The following RAB4A variants were observed in gnomAD, a reference collection of about 807,000 sequenced individuals.
RAB4A encodes the protein ras-related protein Rab-4A.
RAB4A carries 20 observed loss-of-function variants against 34.5 expected under a neutral mutation model. The observed-to-expected ratio is 0.58, with a 90% CI of 0.41 to 0.84. The LOEUF is 0.84. RAB4A is among the 40% of genes least tolerant of loss of function. The pLI is 0.00. For missense variants in RAB4A, 228 were observed against 274.5 expected, an observed-to-expected ratio of 0.83 and a Z score of 1.20; for synonymous variants, 102 against 100.0, an observed-to-expected ratio of 1.02 and a Z score of -0.12.
At chr1:229,273,592 T>A (rs1386910407) in intron 1 of RAB4A, among the ~76,000 whole-genome samples, 1 of 152,026 alleles carries the variant, frequency 6.6e-6, no homozygotes, top group African/African-American at 2.4e-5. Flanking sequence ...ATACAAAAAA[T>A]TACCTGGGCA....
chr1:229,302,282 TATATA>T (rs1657413200), intron 6 of RAB4A, among the ~76,000 whole-genome samples: 2 of 19,370 alleles, frequency 1.0e-4, no homozygotes, highest in South Asian at 1.3e-3. Context: ...TATATATATA[TATATA>T]TATATATATA....
chr1:229,285,941 C>T (rs1455570630), intron 1 of RAB4A, among the ~76,000 whole-genome samples: 1 of 152,194 alleles, frequency 6.6e-6, no homozygotes, highest in Non-Finnish European at 1.5e-5. Context: ...AAATTTCGCA[C>T]TTGAAGTGCT....
At position 229,305,267 on chromosome 1, in the gene RAB4A, T is replaced by A; in HGVS notation, c.*1474T>A. 1.3e-6 allele frequency: 2 copies of A among 1,597,708 alleles called. No individual in the cohort carries two copies. The highest frequency in any genetic ancestry group is 8.5e-7 in the Non-Finnish European group (1 of 1,175,098). On this transcript the variant is annotated 3_prime_UTR_variant, in exon 8 of 8. Transcript: ENST00000366690. Reference sequence around the variant, plus strand: ...GACTGAACTACTTCTTAGACCTCACTGTAAGAATATTTTATTCAATGTCTC... The same window carrying A: ...GACTGAACTACTTCTTAGACCTCACAGTAAGAATATTTTATTCAATGTCTC...
At position 229,291,259 on chromosome 1, in the gene RAB4A, C is replaced by G. The variant is rs1231588022; in HGVS notation, c.227+2416C>G. ...AGAAAGAGGAGGAAGCCAAGATTAT[C>G]TTTCTCAGAGACTTCTTAGAAATGT... On this transcript the variant is annotated intron_variant, in intron 3 of 7. Coordinates refer to ENST00000366690, the MANE Select transcript of RAB4A (RefSeq NM_004578.4). Among the ~76,000 whole-genome samples, 4 of 152,218 alleles carry G rather than the reference C, an allele frequency of 2.6e-5. 1 individual carries two copies. The highest frequency in any genetic ancestry group is 9.7e-5 in the African/African-American group (4 of 41,450).
intron 1 of RAB4A, among the ~76,000 whole-genome samples, chr1:229,286,207 A>T (rs1035137310): frequency 2.0e-5 from 3 of 152,252 alleles, no homozygotes; most frequent in Admixed American, 2.0e-4. Flanking sequence ...TAGCAAAGGG[A>T]CAAGTTTTAT....
At chr1:229,285,238 G>A (rs1656892058) in intron 1 of RAB4A, among the ~76,000 whole-genome samples, 1 of 151,998 alleles carries the variant, frequency 6.6e-6, no homozygotes, top group Admixed American at 6.6e-5. Flanking sequence ...TTGAACTCCT[G>A]GGCTCAAACA....
chr1:229,284,182 C>G (rs959044260), intron 1 of RAB4A, among the ~76,000 whole-genome samples: 2 of 145,034 alleles, frequency 1.4e-5, no homozygotes, highest in African/African-American at 5.2e-5. Flanking sequence ...CCATTGCAAC[C>G]TCCACCTCCC....
In RAB4A at chr1:229,295,991, G is replaced by A. The variant is rs568021463; in HGVS notation, c.290+81G>A. On this transcript the variant is annotated intron_variant, in intron 4 of 7. Transcript: ENST00000366690. ...CTGGTCTTGGCGAGGTGCCCTCCGTGCAGTGTGTGCTTTGTGTGTCCAGGG... is the reference window on the plus strand; with the variant it reads ...CTGGTCTTGGCGAGGTGCCCTCCGTACAGTGTGTGCTTTGTGTGTCCAGGG... 5.6e-6 allele frequency: 8 copies of A among 1,429,660 alleles called. No individual in the cohort carries two copies. The South Asian group carries it at 9.4e-5, about 17-fold the overall frequency. The allele number at this position is 1,429,660 out of a possible 1,614,324, so 88.6% of individuals were successfully genotyped here. A position where few individuals can be genotyped will look rare whatever the true frequency, so the allele number is the denominator to read the frequency against.
At chr1:229,279,495 G>A (rs1656728307) in intron 1 of RAB4A, among the ~76,000 whole-genome samples, 1 of 152,192 alleles carries the variant, frequency 6.6e-6, no homozygotes, top group Non-Finnish European at 1.5e-5. Context: ...GGGGCATTAG[G>A]TAATAGAGGC....
chr1:229,294,264 C>T (rs769990725), intron 3 of RAB4A, among the ~76,000 whole-genome samples: 3 of 152,106 alleles, frequency 2.0e-5, no homozygotes, highest in African/African-American at 4.8e-5. Context: ...AAATTTGAGT[C>T]GAATGTTAAG....
In RAB4A at chr1:229,271,304, GC is replaced by G; in HGVS notation, c.-34del. The G allele has an allele frequency of 7.5e-7, 1 of 1,330,398 alleles. No individual in the cohort carries two copies. The highest frequency in any genetic ancestry group is 9.6e-7 in the Non-Finnish European group (1 of 1,038,762). 82.4% of individuals were successfully genotyped at this position (1,330,398 alleles called of 1,614,324 possible). ...CGCCGGCGGACCGCGGGCGAGTGCA[GC>G]CGGTGACCCGGCGAGAGGCGGCGCC... is the stretch of plus-strand genomic sequence containing the variant. On this transcript the variant is annotated 5_prime_UTR_variant, in exon 1 of 8. Transcript: ENST00000366690.
At chr1:229,280,116 A>G (rs1656746020) in intron 1 of RAB4A, among the ~76,000 whole-genome samples, 1 of 152,240 alleles carries the variant, frequency 6.6e-6, no homozygotes, top group South Asian at 2.1e-4. Flanking sequence ...TTAAGCAAGG[A>G]AAAAGAAAAA....
chr1:229,289,862 C>T (rs926348418), intron 3 of RAB4A, among the ~76,000 whole-genome samples: 2 of 152,114 alleles, frequency 1.3e-5, no homozygotes. Context: ...TTCAAAAATA[C>T]CATAACCACC....
chr1:229,293,188 C>T (rs1161906774), intron 3 of RAB4A, among the ~76,000 whole-genome samples: 1 of 152,226 alleles, frequency 6.6e-6, no homozygotes, highest in Admixed American at 6.5e-5. Context: ...GGCCACCTCC[C>T]AGCACCTCCA....
Position 229,295,906 on chromosome 1 carries a change from A to C in RAB4A, c.286A>C (p.Thr96Pro), listed in dbSNP as rs11544296. Residue 96 changes from threonine (T) to proline (P), a missense_variant, in exon 4 of 8, where the codon ACC (threonine) becomes CCC (proline). Thr to Pro is a conservative substitution (Grantham distance 38, BLOSUM62 -1). Transcript: ENST00000366690. Reference protein sequence around the residue: ...AAGALLVYDITSRETYNALTN... With the variant: ...AAGALLVYDIPSRETYNALTN... ...CGGGGCTCTCCTCGTCTATGATATC[A>C]CCAGGTAATGCCAGCTCCCCCTGGT... 6.2e-7 allele frequency: 1 copy of C among 1,614,030 alleles called. No homozygotes were observed. The highest frequency in any genetic ancestry group is 2.2e-5 in the East Asian group (1 of 44,848).
rs115327176 is a variant in RAB4A, at chr1:229,298,283, C to A, written c.445+647C>A. Among the ~76,000 whole-genome samples the A allele has an allele frequency of 7.2e-3, 1,095 of 152,112 alleles. 17 individuals carry two copies. The highest frequency in any genetic ancestry group is 0.025 in the African/African-American group (1,047 of 41,480). ...ATATTGTAACTTGACTAGTTTCTTG[C>A]TAAGAAAATAAACATGAGAGAAATC... On this transcript the variant is annotated intron_variant, in intron 5 of 7. Coordinates refer to ENST00000366690, the MANE Select transcript of RAB4A (RefSeq NM_004578.4).
chr1:229,283,819 C>A (rs1656841864), intron 1 of RAB4A, among the ~76,000 whole-genome samples: 1 of 151,750 alleles, frequency 6.6e-6, no homozygotes, highest in Non-Finnish European at 1.5e-5. Context: ...CTCTGCCTCC[C>A]AGGTTCAAGC....
chr1:229,272,152 G>T (rs1306693905), intron 1 of RAB4A, among the ~76,000 whole-genome samples: 1 of 151,366 alleles, frequency 6.6e-6, no homozygotes, highest in Non-Finnish European at 1.5e-5. Flanking sequence ...GGCCTTGCGT[G>T]GTAAGAATAA....
rs200242732 is a variant in RAB4A at position 229,302,942 on chromosome 1, G to A, written c.622G>A (p.Ala208Thr). 7 of 1,613,834 alleles carry A rather than the reference G, an allele frequency of 4.3e-6. No homozygotes were observed. The highest frequency in any genetic ancestry group is 4.5e-5 in the East Asian group (2 of 44,862). ...ALRQLRSPRR[A>T]QAPNAQECGC ...GAGACAGCTGAGGTCACCGCGGCGC[G>A]CACAGGCCCCGAACGCTCAGGAGTG... Residue 208 changes from alanine (A) to threonine (T), a missense_variant, in exon 7 of 8, where the codon GCA becomes ACA. Transcript: ENST00000366690.
Sources: gnomAD v4.1 joint callset for allele counts (sites outside exome capture counted in the v4.1 genomes callset) on GRCh38, gnomAD v4.1.1 for gene constraint, MANE v1.5 for transcripts, NCBI Gene and HGNC (gene_info 2026-07-23, HGNC 2026-07-21) for gene names.